Variants in CYB5R3 observed in about 807,000 individuals in gnomAD.
CYB5R3 encodes the protein cytochrome b5 reductase 3.
CYB5R3 carries 28 observed loss-of-function variants against 36.5 expected under a neutral mutation model. That is an observed-to-expected ratio of 0.77 (90% confidence interval 0.57 to 1.05). The LOEUF is 1.05. Ranked by LOEUF, CYB5R3 falls within the 50% of genes least tolerant of loss-of-function variation. The probability of loss-of-function intolerance (pLI) is 0.00; values close to 1 mark genes in which losing one functional copy is unlikely to be tolerated. For missense variants in CYB5R3, 474 were observed against 408.9 expected, an observed-to-expected ratio of 1.16 and a Z score of -1.37; for synonymous variants, 181 against 159.8, an observed-to-expected ratio of 1.13 and a Z score of -1.00.
chr22:42,628,310 C>A, intron 4 of CYB5R3, 29 bp from the exon 5 acceptor site: 1 of 1,612,448 alleles, frequency 6.2e-7, no homozygotes, highest in East Asian at 2.2e-5. Context: ...GCCCTCAGTC[C>A]CCAGCTCCAG....
chr22:42,620,465 G>A (rs112158474), intron 8 of CYB5R3, among the ~76,000 whole-genome samples: 8 of 152,012 alleles, frequency 5.3e-5, no homozygotes, highest in Non-Finnish European at 1.0e-4. Flanking sequence ...CAAGAATGTC[G>A]GCCCATGAGG....
chr22:42,620,042 G>T (rs1601925556), intron 8 of CYB5R3, 97 bp from the exon 9 acceptor site: 3 of 1,189,168 alleles, frequency 2.5e-6, no homozygotes, highest in East Asian at 5.1e-5. Context: ...AAATGCTGAA[G>T]AATGGAGAGG....
chr22:42,647,124 C>G (rs1277944516), intron 1 of CYB5R3: 2 of 295,370 alleles, frequency 6.8e-6, no homozygotes, highest in Non-Finnish European at 1.0e-5. Context: ...TGTGGGGAGC[C>G]CGTAAGCCAG....
At chr22:42,628,025 G>T in intron 5 of CYB5R3, 127 bp downstream of exon 5, 1 of 1,347,958 alleles carries the variant, frequency 7.4e-7, no homozygotes, top group Non-Finnish European at 1.1e-6. Flanking sequence ...TCCCAGAGAG[G>T]GACAGCTGGC....
chr22:42,645,950 A>G (rs1014216788), intron 1 of CYB5R3, among the ~76,000 whole-genome samples: 1 of 152,138 alleles, frequency 6.6e-6, no homozygotes, highest in Admixed American at 6.5e-5. Flanking sequence ...ACGGGGAGAC[A>G]GACACCGGCA....
At chr22:42,636,880 AG>A in intron 1 of CYB5R3, 34 bp from the exon 2 acceptor site, 1 of 1,607,754 alleles carries the variant, frequency 6.2e-7, no homozygotes. Flanking sequence ...TCAGTGCAGG[AG>A]CCTGCCTTTC....
chr22:42,640,034 T>A, intron 1 of CYB5R3: 1 of 1,613,664 alleles, frequency 6.2e-7, no homozygotes, highest in Non-Finnish European at 8.5e-7. Flanking sequence ...GACACCTCAG[T>A]GGCCACCAAA....
chr22:42,621,005 G>A (rs1052069724), intron 8 of CYB5R3, among the ~76,000 whole-genome samples: 5 of 152,134 alleles, frequency 3.3e-5, no homozygotes, highest in Non-Finnish European at 7.3e-5. Context: ...ATGAGTCTTT[G>A]TAAGCCTCCT....
At chr22:42,647,240 G>A (rs916404777) in intron 1 of CYB5R3, among the ~76,000 whole-genome samples, 3 of 152,166 alleles carry the variant, frequency 2.0e-5, no homozygotes, top group Non-Finnish European at 4.4e-5. Flanking sequence ...GGGGCTGGGC[G>A]GGGGAGGGTT....
intron 1 of CYB5R3, chr22:42,640,730 A>T (rs563337071): frequency 1.5e-5 from 2 of 129,992 alleles, no homozygotes; most frequent in South Asian, 5.2e-4. Flanking sequence ...CTGTCACCCG[A>T]GACAGCAAGA....
At chr22:42,636,882 C>A in intron 1 of CYB5R3, 36 bp from the exon 2 acceptor site, 2 of 1,606,110 alleles carry the variant, frequency 1.2e-6, no homozygotes, top group Non-Finnish European at 8.5e-7. Context: ...AGTGCAGGAG[C>A]CTGCCTTTCC....
intron 4 of CYB5R3, among the ~76,000 whole-genome samples, chr22:42,630,345 C>T (rs926864296): frequency 2.6e-5 from 4 of 152,202 alleles, no homozygotes; most frequent in Non-Finnish European, 4.4e-5. Flanking sequence ...CTTAGGGAAA[C>T]GGGTAAGAAC....
At chr22:42,625,518 T>A (rs918767451) in intron 7 of CYB5R3, among the ~76,000 whole-genome samples, 16 of 152,004 alleles carry the variant, frequency 1.1e-4, no homozygotes, top group Admixed American at 2.0e-4. Flanking sequence ...TCAATTTTTT[T>A]AAAAAAAGTT....
rs1445716726 is a variant in CYB5R3 at position 42,630,975 on chromosome 22, G to A, written c.240C>T (p.Tyr80=). 2.5e-6 allele frequency: 4 copies of A among 1,613,796 alleles called. No homozygotes were observed. The African/African-American group carries it at 4.0e-5, about 16-fold the overall frequency. The change falls in exon 4 of 9, where the codon TAC becomes TAT. Residue 80 remains tyrosine, a synonymous_variant. Transcript: ENST00000352397. ...GGTTTCCATCAATTCGAGCCGAGAGGTAGATGTGCTGGCCTGCAGGACAGA... is the reference window on the plus strand; with the variant it reads ...GGTTTCCATCAATTCGAGCCGAGAGATAGATGTGCTGGCCTGCAGGACAGA... ...ILGLPVGQHI[Y]LSARIDGNLV...
chr22:42,634,830 C>T (rs559499241), intron 2 of CYB5R3, among the ~76,000 whole-genome samples: 14 of 125,264 alleles, frequency 1.1e-4, no homozygotes, highest in Non-Finnish European at 2.2e-4. Flanking sequence ...ATTGAGACAG[C>T]GTCTTGCTCT....
chr22:42,637,344 C>CAAA (rs1928953247), intron 1 of CYB5R3, among the ~76,000 whole-genome samples: 1 of 152,146 alleles, frequency 6.6e-6, no homozygotes, highest in South Asian at 2.1e-4. Flanking sequence ...CTACACTGAC[C>CAAA]AAATGGCTCT....
At chr22:42,622,658 G>T (rs1334692879) in intron 8 of CYB5R3, among the ~76,000 whole-genome samples, 1 of 152,336 alleles carries the variant, frequency 6.6e-6, no homozygotes, top group Admixed American at 6.5e-5. Context: ...GCCAGGTGGT[G>T]CAAGTCCCAG....
chr22:42,644,708 A>G, intron 1 of CYB5R3: 1 of 963,550 alleles, frequency 1.0e-6, no homozygotes, highest in Non-Finnish European at 1.2e-6. Flanking sequence ...CTAGGGAAAA[A>G]GTTGGCCGAA....
chr22:42,631,747 G>A, intron 2 of CYB5R3: 1 of 503,614 alleles, frequency 2.0e-6, no homozygotes, highest in Admixed American at 3.2e-5. Flanking sequence ...GAGGATGCCA[G>A]ACAGGACGGG....
Sources: allele counts gnomAD v4.1 joint callset (sites outside exome capture counted in the v4.1 genomes callset), GRCh38; gene constraint gnomAD v4.1.1; transcripts MANE v1.5; gene names NCBI Gene and HGNC (gene_info 2026-07-23, HGNC 2026-07-21).